The following CCDC74B variants were observed in gnomAD, a reference collection of about 807,000 sequenced individuals.
CCDC74B encodes the protein coiled-coil domain containing 74B.
CCDC74B carries 34 observed loss-of-function variants against 38.0 expected under a neutral mutation model. The observed-to-expected ratio is 0.89, with a 90% confidence interval of 0.68 to 1.19. The LOEUF (loss-of-function observed/expected upper bound fraction) is 1.19. Among genes scored for constraint, CCDC74B ranks in the 50% most tolerant of loss-of-function variants. CCDC74B has a pLI of 0.00. For missense variants in CCDC74B, 358 were observed against 406.0 expected, an observed-to-expected ratio of 0.88 and a Z score of 1.02; for synonymous variants, 132 against 170.4, an observed-to-expected ratio of 0.77 and a Z score of 1.76.
At chr2:130,142,534 C>T in intron 2 of CCDC74B, 1 of 1,553,324 alleles carries the variant, frequency 6.4e-7, no homozygotes, top group Non-Finnish European at 8.7e-7. Context: ...GGAGTTGCCA[C>T]AGCGGCTAGG....
At chr2:130,143,498 G>A (rs1573639983) in intron 1 of CCDC74B, among the ~76,000 whole-genome samples, 185 bp from the exon 2 acceptor site, 1 of 152,314 alleles carries the variant, frequency 6.6e-6, no homozygotes, top group East Asian at 1.9e-4. Flanking sequence ...GCCAGGAGTG[G>A]CCCCTGCCTG....
intron 4 of CCDC74B, chr2:130,140,957 G>C: frequency 1.2e-6 from 1 of 856,172 alleles, no homozygotes; most frequent in Middle Eastern, 3.8e-4. Flanking sequence ...CCAGGGGAAG[G>C]GAGGAAGACA....
intron 1 of CCDC74B, among the ~76,000 whole-genome samples, chr2:130,144,041 G>T: frequency 6.7e-6 from 1 of 149,246 alleles, no homozygotes; most frequent in African/African-American, 2.5e-5. Flanking sequence ...TGGGGGGCGG[G>T]GGAATGCCTG....
intron 2 of CCDC74B, chr2:130,142,740 G>A: frequency 2.6e-6 from 4 of 1,548,696 alleles, no homozygotes; most frequent in Non-Finnish European, 2.6e-6. Flanking sequence ...GGGGGCCGCT[G>A]TCAGGATGGG....
In CCDC74B at chr2:130,141,266, T is replaced by C; in HGVS notation, c.377A>G (p.Asn126Ser). ...GKARPQPGSFNKQDSKADVPQ... is the reference protein window; with the variant it reads ...GKARPQPGSFSKQDSKADVPQ... ...GACGTCAGCTTTTGAATCTTGCTTG[T>C]TGAAGGAGCCGGGCTGGGGCCTGGC... The change falls in exon 4 of 8, where the codon AAC becomes AGC. Residue 126 changes from asparagine to serine, a missense_variant. Physicochemically the swap from Asn to Ser is conservative, Grantham distance 46. This residue lies in a region of CCDC74B where 17 missense variants were observed against 47.1 expected (regional missense o/e 0.36). Coordinates refer to ENST00000409943, the MANE Select transcript of CCDC74B (RefSeq NM_001258307.2). 5 of 1,607,290 alleles carry C rather than the reference T, an allele frequency of 3.1e-6. No homozygotes were observed. The highest frequency in any genetic ancestry group is 4.3e-6 in the Non-Finnish European group (5 of 1,175,046).
chr2:130,141,638 C>G (rs1310306750), intron 3 of CCDC74B: 4 of 413,120 alleles, frequency 9.7e-6, no homozygotes, highest in Non-Finnish European at 1.7e-5. Context: ...CTGGGCCCAT[C>G]ACAGGAATGG....
At chr2:130,143,757 T>A (rs10169672) in intron 1 of CCDC74B, among the ~76,000 whole-genome samples, 70,412 of 151,548 alleles carry the variant, frequency 0.46, 17,715 homozygotes, top group African/African-American at 0.66. Context: ...AGACGCCTGG[T>A]GATGGGATAC....
chr2:130,143,692 G>T (rs1340326243), intron 1 of CCDC74B, among the ~76,000 whole-genome samples: 12 of 152,180 alleles, frequency 7.9e-5, no homozygotes, highest in Admixed American at 2.6e-4. Context: ...AAGATATGAG[G>T]AACGGGGCGT....
At chr2:130,143,032 T>G (rs1685762301) in intron 2 of CCDC74B, 14 of 1,491,684 alleles carry the variant, frequency 9.4e-6, no homozygotes, top group South Asian at 1.4e-5. Context: ...TGTGCCCACC[T>G]CCCCACTGCA....
At chr2:130,143,084 T>C (rs1685766508) in intron 2 of CCDC74B, 185 bp downstream of exon 2, 1 of 1,485,534 alleles carries the variant, frequency 6.7e-7, no homozygotes, top group Non-Finnish European at 9.0e-7. Flanking sequence ...GCACGTGCTG[T>C]GCTTGGCTGC....
At chr2:130,142,419 G>A in intron 2 of CCDC74B, 2 of 1,613,524 alleles carry the variant, frequency 1.2e-6, no homozygotes, top group East Asian at 2.2e-5. Context: ...TGGAACAGCA[G>A]GTCCCGAGGG....
rs1685954938 is a variant in CCDC74B at position 130,145,043 on chromosome 2, G to C, written c.-47C>G. 7.1e-7 allele frequency: 1 copy of C among 1,408,588 alleles called. No homozygotes were observed. Among genetic ancestry groups the C allele is most frequent in the African/African-American group, 1.5e-5 (1 of 65,920 alleles). The allele number at this position is 1,408,588 out of a possible 1,614,324, so 87.3% of individuals were successfully genotyped here. A position where few individuals can be genotyped will look rare whatever the true frequency, so the allele number is the denominator to read the frequency against. On this transcript the variant is annotated 5_prime_UTR_variant, in exon 1 of 8. Transcript: ENST00000409943. ...CCCGCTGCCACTGCACCCCGGCTCA[G>C]TGGCCAGGCCGCCCTAGCCTGGCGC...
rs188560003 is a variant in CCDC74B, at chr2:130,139,578, G to A, written c.922C>T (p.Arg308Cys). ...GCTCAAAGCACCGAGCGATGCAGGCGCCGTTTCTGCATTGCCTGCAGCCTC... is the reference window on the plus strand; with the variant it reads ...GCTCAAAGCACCGAGCGATGCAGGCACCGTTTCTGCATTGCCTGCAGCCTC... ...QKRLQAMQKR[R>C]LHRSVL Residue 308 changes from arginine (R) to cysteine (C), a missense_variant, in exon 8 of 8, where the codon CGC becomes TGC. Physicochemically the swap from Arg to Cys is radical, Grantham distance 180. Around this residue, in one of 3 missense-constraint regions of CCDC74B, gnomAD observed 213 missense variants for 212.3 expected, o/e 1.00. Transcript: ENST00000409943. 7.4e-6 allele frequency: 12 copies of A among 1,613,350 alleles called. No homozygotes were observed. Among genetic ancestry groups the A allele is most frequent in the East Asian group, 2.2e-5 (1 of 44,880 alleles).
chr2:130,143,585 G>A (rs539864662), intron 1 of CCDC74B, among the ~76,000 whole-genome samples: 1 of 152,360 alleles, frequency 6.6e-6, no homozygotes, highest in African/African-American at 2.4e-5. Flanking sequence ...CTGCCAGGCA[G>A]AACCTGGGCT....
rs756608401 is a variant in CCDC74B, at chr2:130,141,180, G to A, written c.463C>T (p.Pro155Ser). 46 of 1,612,862 alleles carry A rather than the reference G, an allele frequency of 2.9e-5. No individual in the cohort carries two copies. The highest frequency in any genetic ancestry group is 3.4e-5 in the Non-Finnish European group (40 of 1,179,386). Reference protein sequence around the residue: ...LLHNSKLDKVPGVQGQARKEK... With the variant: ...LLHNSKLDKVSGVQGQARKEK... ...TACCTGGCCTGCCCTTGTACCCCAG[G>A]AACCTTGTCCAGCTTGCTGTTGTGA... The change falls in exon 4 of 8, where the codon CCT (proline) becomes TCT (serine). Residue 155 changes from proline to serine, a missense_variant. Pro to Ser is a moderately conservative substitution (Grantham distance 74). This residue lies in a region of CCDC74B where 213 missense variants were observed against 212.3 expected (regional missense o/e 1.00). Transcript: ENST00000409943.
In CCDC74B at chr2:130,139,634, G is replaced by A; in HGVS notation, c.866C>T (p.Thr289Ile). Residue 289 changes from threonine (T) to isoleucine (I), a missense_variant, in exon 8 of 8, where the codon ACC becomes ATC. By Grantham distance (89) the Thr-to-Ile change is moderately conservative. Around this residue, in one of 3 missense-constraint regions of CCDC74B, gnomAD observed 213 missense variants for 212.3 expected, o/e 1.00. Coordinates refer to ENST00000409943, the MANE Select transcript of CCDC74B (RefSeq NM_001258307.2). ...ERAILPALKQ[T>I]PKNNFAERQK... ...CCTCTCGGCAAAGTTGTTCTTCGGG[G>A]TCTGCTTCAGTGCGGGCAGGATGGC... 2 of 1,613,420 alleles carry A rather than the reference G, an allele frequency of 1.2e-6. No homozygotes were observed. The highest frequency in any genetic ancestry group is 1.3e-5 in the African/African-American group (1 of 75,068).
rs766243365 is a variant in CCDC74B, at chr2:130,139,603, C to T, written c.897G>A (p.Lys299=). ...TPKNNFAERQ[K]RLQAMQKRRL... ...GCCGTTTCTGCATTGCCTGCAGCCTCTTCTGCCTCTCGGCAAAGTTGTTCT... is the reference window on the plus strand; with the variant it reads ...GCCGTTTCTGCATTGCCTGCAGCCTTTTCTGCCTCTCGGCAAAGTTGTTCT... Residue 299 remains lysine (K), a synonymous_variant, in exon 8 of 8, where the codon AAG becomes AAA. Coordinates refer to ENST00000409943, the MANE Select transcript of CCDC74B (RefSeq NM_001258307.2). The T allele has an allele frequency of 2.5e-6, 4 of 1,613,506 alleles. No individual in the cohort carries two copies. Among genetic ancestry groups the T allele is most frequent in the Non-Finnish European group, 3.4e-6 (4 of 1,179,992 alleles).
intron 3 of CCDC74B, chr2:130,141,663 G>A (rs1685639776): frequency 5.2e-6 from 2 of 383,252 alleles, no homozygotes; most frequent in Non-Finnish European, 9.3e-6. Flanking sequence ...GGTTAGGGCT[G>A]GGCTGAGGAA....
chr2:130,144,829 G>T lies in CCDC74B; in HGVS notation c.168C>A (p.Ser56Arg). 1 of 1,613,560 alleles carries T rather than the reference G, an allele frequency of 6.2e-7. No individual in the cohort carries two copies. Among genetic ancestry groups the T allele is most frequent in the African/African-American group, 1.3e-5 (1 of 74,730 alleles). ...PQKRNLDLEK[S>R]LQFLQQQHSE... Reference sequence around the variant, plus strand: ...AGTGCTGCTGCTGCAGGAACTGTAGGCTCTTCTCCAGGTCCAGGTTCCGTT... The same window carrying T: ...AGTGCTGCTGCTGCAGGAACTGTAGTCTCTTCTCCAGGTCCAGGTTCCGTT... The change falls in exon 1 of 8, where the codon AGC becomes AGA. Residue 56 changes from serine to arginine, a missense_variant. By Grantham distance (110) the Ser-to-Arg change is moderately radical. Transcript: ENST00000409943.
Sources: gnomAD v4.1 joint callset for allele counts (sites outside exome capture counted in the v4.1 genomes callset) on GRCh38, gnomAD v4.1.1 for gene constraint, gnomAD v4.1.1 regional missense constraint, MANE v1.5 for transcripts, NCBI Gene and HGNC (gene_info 2026-07-23, HGNC 2026-07-21) for gene names.